The following QTMAN variants were observed in gnomAD, a reference collection of about 807,000 sequenced individuals.
QTMAN encodes the protein tRNA-queuosine alpha-mannosyltransferase.
At chr2:143,995,831 A>C in the QTMAN span, among the ~76,000 whole-genome samples, 2 of 152,170 alleles carry the variant, frequency 1.3e-5, no homozygotes, top group Non-Finnish European at 1.5e-5. Context: ...ACAGACTTGA[A>C]TATCAGCTTC....
At chr2:143,948,078 G>A in the QTMAN span, among the ~76,000 whole-genome samples, 15 of 152,256 alleles carry the variant, frequency 9.9e-5, no homozygotes, top group South Asian at 2.1e-4. Flanking sequence ...TAAAACTAGT[G>A]AGCAACACCT....
At chr2:144,051,716 G>A in the QTMAN span, among the ~76,000 whole-genome samples, 1 of 152,288 alleles carries the variant, frequency 6.6e-6, no homozygotes, top group South Asian at 2.1e-4. Context: ...AATGCTTCAT[G>A]AAGAAGTAGA....
the QTMAN span, among the ~76,000 whole-genome samples, chr2:144,279,410 A>G: frequency 7.9e-5 from 12 of 151,798 alleles, no homozygotes; most frequent in Middle Eastern, 3.4e-3. Context: ...AGCAAGTACT[A>G]TAAGTTGCTC....
the QTMAN span, among the ~76,000 whole-genome samples, chr2:143,952,372 C>T: frequency 6.6e-6 from 1 of 151,026 alleles, no homozygotes; most frequent in East Asian, 1.9e-4. Context: ...GGTACTATAG[C>T]CTTATGTACC....
chr2:144,006,216 G>A, the QTMAN span: 28 of 152,016 alleles, frequency 1.8e-4, no homozygotes, highest in African/African-American at 6.0e-4. Context: ...TACATTTTAC[G>A]TTCATACATT....
chr2:144,264,532 C>T, the QTMAN span, among the ~76,000 whole-genome samples: 1 of 152,068 alleles, frequency 6.6e-6, no homozygotes. Flanking sequence ...ACGAAAATTC[C>T]CCTGCTTCCT....
the QTMAN span, among the ~76,000 whole-genome samples, chr2:144,043,227 TTG>T: frequency 0.11 from 16,497 of 148,284 alleles, 1,112 homozygotes; most frequent in Non-Finnish European, 0.16. Context: ...ATGTGTGAAT[TTG>T]TGTGTGTGTG....
At chr2:144,332,277 C>G in the QTMAN span, among the ~76,000 whole-genome samples, 2 of 150,828 alleles carry the variant, frequency 1.3e-5, no homozygotes, top group Non-Finnish European at 3.0e-5. Context: ...CTCCCCCACA[C>G]CCCCCGCCCC....
At chr2:143,983,468 GTTTTT>G in the QTMAN span, among the ~76,000 whole-genome samples, 7 of 115,998 alleles carry the variant, frequency 6.0e-5, no homozygotes, top group Non-Finnish European at 1.2e-4. Context: ...CATTTTTGAG[GTTTTT>G]TTTTTTTTTT....
At chr2:144,000,224 C>T in the QTMAN span, among the ~76,000 whole-genome samples, 1 of 151,960 alleles carries the variant, frequency 6.6e-6, no homozygotes, top group African/African-American at 2.4e-5. Context: ...TAAAATAAAA[C>T]TGTAAGTCAT....
At chr2:144,250,086 C>A in the QTMAN span, among the ~76,000 whole-genome samples, 2 of 148,128 alleles carry the variant, frequency 1.4e-5, 1 homozygote, top group South Asian at 4.3e-4. Flanking sequence ...AAGCTGTATT[C>A]TTTTATCAAA....
the QTMAN span, among the ~76,000 whole-genome samples, chr2:144,201,297 A>C: frequency 1.2e-4 from 19 of 152,184 alleles, no homozygotes; most frequent in Admixed American, 1.2e-3. Context: ...TATTGCCAAC[A>C]AAGGGACCAG....
the QTMAN span, among the ~76,000 whole-genome samples, chr2:143,965,873 G>C: frequency 6.6e-6 from 1 of 152,172 alleles, no homozygotes; most frequent in African/African-American, 2.4e-5. Flanking sequence ...CATATCTGCT[G>C]TGCTTTCCAG....
At chr2:144,044,472 T>C in the QTMAN span, among the ~76,000 whole-genome samples, 1 of 152,158 alleles carries the variant, frequency 6.6e-6, no homozygotes, top group Non-Finnish European at 1.5e-5. Context: ...CTGAAGTCTA[T>C]TGAAAGCTCA....
At chr2:144,323,282 C>T in the QTMAN span, among the ~76,000 whole-genome samples, 17 of 152,294 alleles carry the variant, frequency 1.1e-4, no homozygotes, top group African/African-American at 3.6e-4. Context: ...TTGCACATTT[C>T]GTATCTCATC....
chr2:144,216,687 T>C, the QTMAN span, among the ~76,000 whole-genome samples: 1 of 152,226 alleles, frequency 6.6e-6, no homozygotes, highest in African/African-American at 2.4e-5. Flanking sequence ...TATGTGTTTA[T>C]TTTAACCTAC....
the QTMAN span, among the ~76,000 whole-genome samples, chr2:144,290,755 C>G: frequency 2.6e-4 from 40 of 152,268 alleles, no homozygotes; most frequent in African/African-American, 9.6e-4. Context: ...ATTCCCTCAC[C>G]TCCTTCAATT....
chr2:144,052,970 G>C, the QTMAN span, among the ~76,000 whole-genome samples: 2 of 152,220 alleles, frequency 1.3e-5, no homozygotes, highest in South Asian at 4.1e-4. Context: ...AATATTTTGG[G>C]TTATGGATAC....
chr2:144,288,772 G>A, the QTMAN span, among the ~76,000 whole-genome samples: 1 of 152,130 alleles, frequency 6.6e-6, no homozygotes, highest in African/African-American at 2.4e-5. Flanking sequence ...AATGTTCTAT[G>A]AAGAATTTGA....
Sources: allele counts gnomAD v4.1 joint callset (sites outside exome capture counted in the v4.1 genomes callset), GRCh38; gene constraint gnomAD v4.1.1; transcripts MANE v1.5; gene names NCBI Gene and HGNC (gene_info 2026-07-23, HGNC 2026-07-21).